Variants in MRPL37 observed in about 807,000 individuals in gnomAD.
MRPL37 encodes mitochondrial ribosomal protein L37.
In MRPL37, 34 loss-of-function variants were observed where a neutral mutation model predicts 44.1. The ratio of observed to expected loss-of-function variants is 0.77; its 90% confidence interval spans 0.59 to 1.03. MRPL37 has a LOEUF of 1.03. MRPL37 is among the 50% of genes least tolerant of loss of function. The pLI is 0.00. For synonymous variants in MRPL37, 212 were observed against 219.5 expected (o/e 0.97, Z 0.30); for missense variants, 532 against 543.7 (o/e 0.98, Z 0.21).
In MRPL37 at chr1:54,208,495, G is replaced by C. The variant is rs1030324311; in HGVS notation, c.647-1451G>C. On this transcript the variant is annotated intron_variant, in intron 3 of 6. Transcript: ENST00000360840. ...ACCCGGAAGGCGGAGCTTGCAGTGA[G>C]CTGAGATTGCGCCACTGCACTCCAG... Among the ~76,000 whole-genome samples the C allele has an allele frequency of 2.3e-4, 32 of 142,172 alleles. 1 individual carries two copies. Among genetic ancestry groups the C allele is most frequent in the Admixed American group, 1.3e-3 (17 of 13,150 alleles). The allele number at this position is 142,172 out of a possible 152,430, so 93.3% of individuals were successfully genotyped here. A position where few individuals can be genotyped will look rare whatever the true frequency, so the allele number is the denominator to read the frequency against.
downstream of MRPL37, among the ~76,000 whole-genome samples, chr1:54,223,013 A>T (rs1044386249): frequency 1.3e-5 from 2 of 152,180 alleles, no homozygotes; most frequent in African/African-American, 2.4e-5. Flanking sequence ...GTGGCACTGG[A>T]GGGCTGACAT....
rs769797412 is a variant in MRPL37 at position 54,218,190 on chromosome 1, G to T, written c.1213G>T (p.Gly405Cys). ...RVVVEPVGPV[G>C]FKPETFRKFL... Reference sequence around the variant, plus strand: ...TTTCCAGGAACCTGTTGGCCCAGTTGGTTTCAAGCCAGAGACATTCAGAAA... The same window carrying T: ...TTTCCAGGAACCTGTTGGCCCAGTTTGTTTCAAGCCAGAGACATTCAGAAA... Residue 405 changes from glycine to cysteine, a missense_variant, in exon 7 of 7, where the codon GGT becomes TGT. By Grantham distance (159) the Gly-to-Cys change is radical. Transcript: ENST00000360840. The T allele has an allele frequency of 1.2e-6, 2 of 1,614,228 alleles. No homozygotes were observed. Among genetic ancestry groups the T allele is most frequent in the Non-Finnish European group, 1.7e-6 (2 of 1,180,034 alleles).
At chr1:54,223,899 T>C (rs748559944), downstream of MRPL37, among the ~76,000 whole-genome samples, 2 of 152,188 alleles carry the variant, frequency 1.3e-5, no homozygotes, top group Non-Finnish European at 1.5e-5. Flanking sequence ...AGTTCTTTGC[T>C]CAGAGATCTG....
At chr1:54,223,065 A>G (rs1469935046), downstream of MRPL37, among the ~76,000 whole-genome samples, 1 of 152,214 alleles carries the variant, frequency 6.6e-6, no homozygotes, top group Non-Finnish European at 1.5e-5. Context: ...TCCAGAAACC[A>G]GATGCCAGGT....
Position 54,218,288 on chromosome 1 carries a change from C to G in MRPL37, c.*39C>G. On this transcript the variant is annotated 3_prime_UTR_variant, in exon 7 of 7. Coordinates refer to ENST00000360840, the MANE Select transcript of MRPL37 (RefSeq NM_016491.4). ...CTGAATCCTGAAACCCCTCTTGCCTCTCTTCCACGGAAGAGGGCCTGGGCC... is the reference window on the plus strand; with the variant it reads ...CTGAATCCTGAAACCCCTCTTGCCTGTCTTCCACGGAAGAGGGCCTGGGCC... The G allele has an allele frequency of 3.7e-6, 6 of 1,613,898 alleles. No homozygotes were observed. The highest frequency in any genetic ancestry group is 4.2e-6 in the Non-Finnish European group (5 of 1,179,962).
downstream of MRPL37, among the ~76,000 whole-genome samples, chr1:54,222,725 T>C (rs1197147394): frequency 6.6e-6 from 1 of 152,160 alleles, no homozygotes; most frequent in Non-Finnish European, 1.5e-5. Context: ...AAAGACCCTC[T>C]AAATGGCAAC....
downstream of MRPL37, among the ~76,000 whole-genome samples, chr1:54,224,293 A>G (rs1046147876): frequency 1.1e-4 from 16 of 152,210 alleles, no homozygotes; most frequent in Admixed American, 1.0e-3. Context: ...CAAGGTGAAG[A>G]GGGAAGGACC....
chr1:54,215,966 C>T (rs1011436477), intron 5 of MRPL37, among the ~76,000 whole-genome samples, 175 bp from the exon 6 acceptor site: 5 of 152,136 alleles, frequency 3.3e-5, no homozygotes, highest in South Asian at 2.1e-4. Context: ...TGAAGGAAGG[C>T]CCGGCCCTGG....
In MRPL37 at chr1:54,205,097, T is replaced by G. The variant is rs753232301; in HGVS notation, c.426T>G (p.Asp142Glu). The G allele has an allele frequency of 5.0e-6, 8 of 1,613,954 alleles. No individual in the cohort carries two copies. The Admixed American group carries it at 1.2e-4, about 24-fold the overall frequency. Residue 142 changes from aspartate to glutamate, a missense_variant, in exon 2 of 7, where the codon GAT becomes GAG. By Grantham distance (45) the Asp-to-Glu change is conservative (BLOSUM62 2). Coordinates refer to ENST00000360840, the MANE Select transcript of MRPL37 (RefSeq NM_016491.4). ...AGAAAGTGCTTAGCCTTGTTGATGA[T>G]CCAAGGAACCACATAGAGAACCAAG... ...LPEKVLSLVD[D>E]PRNHIENQDE...
chr1:54,224,289 G>C (rs11206307), downstream of MRPL37, among the ~76,000 whole-genome samples: 23,847 of 152,216 alleles, frequency 0.16, 2,116 homozygotes, highest in East Asian at 0.36. Flanking sequence ...GTTCCAAGGT[G>C]AAGAGGGAAG....
In MRPL37 at chr1:54,205,408, G is replaced by A. The variant is rs767919330; in HGVS notation, c.644G>A (p.Arg215Gln). The A allele has an allele frequency of 5.0e-6, 8 of 1,612,444 alleles. No homozygotes were observed. Among genetic ancestry groups the A allele is most frequent in the East Asian group, 2.2e-5 (1 of 44,886 alleles). ...QNSTFSATWN[R>Q]ESLLLQVRGS... ...TCCACGTTTTCTGCTACCTGGAACC[G>A]AGGTTGGTCATCTTGTACACCAGAA... is the stretch of plus-strand genomic sequence containing the variant. The change falls in exon 3 of 7, where the codon CGA becomes CAA. Residue 215 changes from arginine to glutamine, a missense_variant and splice_region_variant. Arg to Gln is a conservative substitution (Grantham distance 43). Coordinates refer to ENST00000360840, the MANE Select transcript of MRPL37 (RefSeq NM_016491.4).
chr1:54,223,029 G>T (rs1463709306), downstream of MRPL37, among the ~76,000 whole-genome samples: 1 of 152,230 alleles, frequency 6.6e-6, no homozygotes, highest in African/African-American at 2.4e-5. Context: ...GACATGGGAG[G>T]CAGGAAACCA....
chr1:54,200,537 G>A lies in MRPL37; in HGVS notation c.294G>A (p.Leu98=). ...CGCCCCCTCTTCACGAGCATCCGCT[G>A]TACAAAGACCAGGCCTGCTATATCT... The part of the protein sequence containing the change: ...YRSPPLHEHP[L]YKDQACYIFH... Residue 98 remains leucine (L), a synonymous_variant, in exon 1 of 7, where the codon CTG becomes CTA. Transcript: ENST00000360840. 1 of 1,613,510 alleles carries A rather than the reference G, an allele frequency of 6.2e-7. No individual in the cohort carries two copies. Among genetic ancestry groups the A allele is most frequent in the Non-Finnish European group, 8.5e-7 (1 of 1,179,496 alleles).
downstream of MRPL37, among the ~76,000 whole-genome samples, chr1:54,223,513 C>T (rs771732217): frequency 7.9e-5 from 12 of 152,304 alleles, no homozygotes; most frequent in East Asian, 1.9e-4. Context: ...TCTGGCCTAG[C>T]GCGTTAGTGG....
intron 5 of MRPL37, among the ~76,000 whole-genome samples, chr1:54,214,347 G>A (rs1466472815): frequency 6.6e-6 from 1 of 152,208 alleles, no homozygotes; most frequent in Non-Finnish European, 1.5e-5. Flanking sequence ...ACTTGCCCAA[G>A]GATACACAGC....
intron 4 of MRPL37, among the ~76,000 whole-genome samples, chr1:54,212,274 G>A (rs917555529): frequency 1.3e-5 from 2 of 152,210 alleles, no homozygotes; most frequent in East Asian, 1.9e-4. Context: ...GTAAATGAGT[G>A]AATGTGGTTG....
chr1:54,216,485 G>T, intron 6 of MRPL37, 141 bp downstream of exon 6: 3 of 966,044 alleles, frequency 3.1e-6, no homozygotes, highest in Non-Finnish European at 4.7e-6. Context: ...CTGCCTGGAG[G>T]ACTCCTTCAG....
chr1:54,218,341 T>G lies in MRPL37; in HGVS notation c.*92T>G. ...GTGGAGCCTCAGTGCCCGTTTGGCC[T>G]GCTGCTCTCGCTGACAATAAAGAGC... On this transcript the variant is annotated 3_prime_UTR_variant, in exon 7 of 7. Coordinates refer to ENST00000360840, the MANE Select transcript of MRPL37 (RefSeq NM_016491.4). The G allele has an allele frequency of 6.3e-7, 1 of 1,598,280 alleles. No individual in the cohort carries two copies. Among genetic ancestry groups the G allele is most frequent in the South Asian group, 1.1e-5 (1 of 88,990 alleles).
chr1:54,200,616 G>T, intron 1 of MRPL37, 27 bp downstream of exon 1: 1 of 1,568,008 alleles, frequency 6.4e-7, no homozygotes, highest in South Asian at 1.2e-5. Flanking sequence ...GGCGGCAAGG[G>T]ACCGTGTTCC....
Sources: gnomAD v4.1 joint callset for allele counts (sites outside exome capture counted in the v4.1 genomes callset) on GRCh38, gnomAD v4.1.1 for gene constraint, MANE v1.5 for transcripts, NCBI Gene and HGNC (gene_info 2026-07-23, HGNC 2026-07-21) for gene names.